The following TFEC variants were observed in gnomAD, a reference collection of about 807,000 sequenced individuals.
TFEC encodes class E basic helix-loop-helix protein 34.
In TFEC, 31 loss-of-function variants were observed where a neutral mutation model predicts 41.6. The observed-to-expected ratio is 0.74, with a 90% confidence interval of 0.56 to 1.01. TFEC has a LOEUF of 1.01. Among genes scored for constraint, TFEC ranks in the 50% least tolerant of loss-of-function variants. TFEC has a pLI of 0.00. For synonymous variants in TFEC, 143 were observed against 140.6 expected (o/e 1.02, Z -0.12); for missense variants, 402 against 404.1 (o/e 0.99, Z 0.04).
At chr7:116,040,138 T>C (rs947648458) in intron 3 of TFEC, among the ~76,000 whole-genome samples, 2 of 152,086 alleles carry the variant, frequency 1.3e-5, no homozygotes, top group African/African-American at 4.8e-5. Context: ...GATTGCTCCA[T>C]TATGTGGGAA....
intron 3 of TFEC, among the ~76,000 whole-genome samples, chr7:116,053,254 G>A (rs147965300): frequency 0.027 from 4,054 of 152,246 alleles, 71 homozygotes; most frequent in Non-Finnish European, 0.038. Flanking sequence ...CTAGGCAGCA[G>A]TAAGGACGAA....
At chr7:115,949,686 T>C (rs1304239714) in intron 6 of TFEC, among the ~76,000 whole-genome samples, 4 of 151,930 alleles carry the variant, frequency 2.6e-5, no homozygotes, top group African/African-American at 9.7e-5. Flanking sequence ...TTACACCTTA[T>C]ACAAAAATCA....
chr7:116,038,519 A>G (rs976049821), intron 3 of TFEC, among the ~76,000 whole-genome samples: 5 of 152,092 alleles, frequency 3.3e-5, no homozygotes, highest in African/African-American at 1.2e-4. Flanking sequence ...AGATGTATTT[A>G]AAATTGGGAA....
At position 115,937,253 on chromosome 7, in the gene TFEC, G is replaced by C. The variant is rs1386406673; in HGVS notation, c.*3298C>G. 1 of 151,500 alleles carries C rather than the reference G, an allele frequency of 6.6e-6. No homozygotes were observed. The highest frequency in any genetic ancestry group is 2.4e-5 in the African/African-American group (1 of 41,334). 9.4% of individuals were successfully genotyped at this position (151,500 alleles called of 1,614,324 possible). On this transcript the variant is annotated 3_prime_UTR_variant, in exon 8 of 8. Coordinates refer to ENST00000265440, the MANE Select transcript of TFEC (RefSeq NM_012252.4). ...TGAATTAAATCTTTAAATGAAAAGG[G>C]ATAATTGTATATTAATTGAATGAAT...
intron 3 of TFEC, among the ~76,000 whole-genome samples, chr7:116,057,954 G>A (rs1164691775): frequency 6.6e-6 from 1 of 151,716 alleles, no homozygotes; most frequent in Non-Finnish European, 1.5e-5. Context: ...CCAAAAAGAA[G>A]CAGAAAATGA....
At chr7:116,126,543 G>A (rs1409592836) in intron 1 of TFEC, among the ~76,000 whole-genome samples, 2 of 152,064 alleles carry the variant, frequency 1.3e-5, no homozygotes, top group African/African-American at 4.8e-5. Context: ...ATGAAAAAAG[G>A]AACACTATCA....
chr7:116,143,600 T>A (rs961651436), intron 1 of TFEC, among the ~76,000 whole-genome samples: 4 of 152,178 alleles, frequency 2.6e-5, no homozygotes, highest in African/African-American at 9.7e-5. Flanking sequence ...AATAGATGTC[T>A]TTCCAAACTG....
At position 115,936,209 on chromosome 7, in the gene TFEC, C is replaced by G. The variant is rs563701399; in HGVS notation, c.*4342G>C. The G allele has an allele frequency of 4.0e-5, 6 of 151,640 alleles. No individual in the cohort carries two copies. In the South Asian group the frequency reaches 1.2e-3, roughly 31 times the overall value. 9.4% of individuals were successfully genotyped at this position (151,640 alleles called of 1,614,324 possible). On this transcript the variant is annotated 3_prime_UTR_variant, in exon 8 of 8. Transcript: ENST00000265440. ...TGTAACATAGGAGATCAGTAACACT[C>G]GAAATGTATTTTGTATTTATTAGGT... is the stretch of plus-strand genomic sequence containing the variant.
At chr7:116,044,850 T>C (rs1584444275) in intron 3 of TFEC, among the ~76,000 whole-genome samples, 2 of 152,074 alleles carry the variant, frequency 1.3e-5, no homozygotes, top group South Asian at 2.1e-4. Context: ...TGTGATGAGG[T>C]TTTTTCCCCC....
At chr7:116,039,597 C>T (rs977783742) in intron 3 of TFEC, among the ~76,000 whole-genome samples, 5 of 151,774 alleles carry the variant, frequency 3.3e-5, no homozygotes, top group Admixed American at 3.3e-4. Context: ...AAATTTTCTA[C>T]AAGCAAACAG....
At chr7:116,108,332 C>A (rs1186925820) in intron 3 of TFEC, among the ~76,000 whole-genome samples, 2 of 152,058 alleles carry the variant, frequency 1.3e-5, no homozygotes, top group African/African-American at 2.4e-5. Flanking sequence ...ATGGAGCTGG[C>A]AATACTTGTA....
chr7:115,967,282 T>G (rs1792902354), intron 3 of TFEC, among the ~76,000 whole-genome samples: 1 of 151,708 alleles, frequency 6.6e-6, no homozygotes, highest in Non-Finnish European at 1.5e-5. Context: ...TGAGGCAGTA[T>G]TTTGAGTTGT....
chr7:115,977,440 A>G (rs1257264513), intron 2 of TFEC, among the ~76,000 whole-genome samples: 1 of 152,096 alleles, frequency 6.6e-6, no homozygotes, highest in African/African-American at 2.4e-5. Flanking sequence ...GCAAGAAGAA[A>G]ATGGGATAAT....
chr7:116,039,242 A>G (rs781184062), intron 3 of TFEC, among the ~76,000 whole-genome samples: 1 of 152,130 alleles, frequency 6.6e-6, no homozygotes, highest in Non-Finnish European at 1.5e-5. Flanking sequence ...AAATAAATTC[A>G]GTCCATCAAA....
At chr7:115,980,155 T>G (rs1048012960) in intron 2 of TFEC, among the ~76,000 whole-genome samples, 1 of 152,196 alleles carries the variant, frequency 6.6e-6, no homozygotes, top group African/African-American at 2.4e-5. Flanking sequence ...ATCAGCTAAA[T>G]GTGGCCATGT....
intron 3 of TFEC, among the ~76,000 whole-genome samples, chr7:116,071,476 A>G (rs1796827065): frequency 6.6e-6 from 1 of 151,416 alleles, no homozygotes; most frequent in Non-Finnish European, 1.5e-5. Context: ...GGTATTTTTA[A>G]GGAATAACAT....
upstream of TFEC, among the ~76,000 whole-genome samples, chr7:116,031,205 C>T (rs1000928346): frequency 6.6e-6 from 1 of 151,946 alleles, no homozygotes; most frequent in Non-Finnish European, 1.5e-5. Flanking sequence ...GTTTTTAAGG[C>T]CATTGCATTT....
intron 3 of TFEC, among the ~76,000 whole-genome samples, chr7:116,102,983 G>A (rs891769286): frequency 2.0e-5 from 3 of 152,176 alleles, no homozygotes; most frequent in African/African-American, 7.2e-5. Context: ...CAAATATTTG[G>A]TAAGCACCTA....
intron 3 of TFEC, among the ~76,000 whole-genome samples, chr7:116,084,832 T>C (rs1210421697): frequency 6.6e-6 from 1 of 151,892 alleles, no homozygotes; most frequent in Non-Finnish European, 1.5e-5. Context: ...AGGTAGGCAC[T>C]AATTAATAAC....
Sources: gnomAD v4.1 joint callset for allele counts (sites outside exome capture counted in the v4.1 genomes callset) on GRCh38, gnomAD v4.1.1 for gene constraint, MANE v1.5 for transcripts, NCBI Gene and HGNC (gene_info 2026-07-23, HGNC 2026-07-21) for gene names.